The following NCAM2 variants were observed in gnomAD, a reference collection of about 807,000 sequenced individuals.
NCAM2 encodes the protein neural cell adhesion molecule 2.
NCAM2 carries 30 observed loss-of-function variants against 98.1 expected under a neutral mutation model. The ratio of observed to expected loss-of-function variants is 0.31; its 90% confidence interval spans 0.23 to 0.41. The LOEUF (loss-of-function observed/expected upper bound fraction) is 0.41. Among genes scored for constraint, NCAM2 ranks in the 10% least tolerant of loss-of-function variants. The pLI is 1.00. For synonymous variants in NCAM2, 368 were observed against 342.4 expected (o/e 1.07, Z -0.83); for missense variants, 867 against 1,005.8 (o/e 0.86, Z 1.87).
chr21:21,373,874 C>T lies in NCAM2; in HGVS notation c.1056C>T (p.Gly352=), dbSNP rs761349965. Residue 352 remains glycine, a synonymous_variant, in exon 9 of 18, where the codon GGC becomes GGT. Transcript: ENST00000400546. ...ATCGATGTAAACAGAGCCTGGACGGCCGTATCGAAGTCAAAGGGCAGCATG... is the reference window on the plus strand; with the variant it reads ...ATCGATGTAAACAGAGCCTGGACGGTCGTATCGAAGTCAAAGGGCAGCATG... ...TFTEGDKSLD[G]RIEVKGQHGS... is the part of the protein sequence containing the mutation. 4.4e-6 allele frequency: 7 copies of T among 1,606,466 alleles called. No homozygotes were observed. The South Asian group carries it at 4.4e-5, about 10-fold the overall frequency.
At chr21:21,290,335 C>T (rs2073247666) in intron 4 of NCAM2, among the ~76,000 whole-genome samples, 1 of 151,892 alleles carries the variant, frequency 6.6e-6, no homozygotes, top group South Asian at 2.1e-4. Context: ...AATTGCCTCT[C>T]ATCTAAATTT....
intron 1 of NCAM2, among the ~76,000 whole-genome samples, chr21:21,230,662 A>G (rs2070585613): frequency 6.6e-6 from 1 of 151,368 alleles, no homozygotes; most frequent in Non-Finnish European, 1.5e-5. Flanking sequence ...GCTTAGCCAT[A>G]ATCTGTTTTT....
chr21:21,096,237 A>G (rs1277751833), intron 1 of NCAM2, among the ~76,000 whole-genome samples: 1 of 151,588 alleles, frequency 6.6e-6, no homozygotes, highest in Non-Finnish European at 1.5e-5. Context: ...TGCTATATAT[A>G]TATTTTTTTA....
intron 15 of NCAM2, among the ~76,000 whole-genome samples, chr21:21,483,071 A>C (rs1986035963): frequency 6.6e-6 from 1 of 152,066 alleles, no homozygotes. Context: ...CTAATGTTTA[A>C]AAAAATCCTT....
At chr21:21,213,928 A>G (rs541446777) in intron 1 of NCAM2, among the ~76,000 whole-genome samples, 1 of 152,230 alleles carries the variant, frequency 6.6e-6, no homozygotes, top group African/African-American at 2.4e-5. Flanking sequence ...GATCAACATA[A>G]CTGAATATTT....
intron 1 of NCAM2, among the ~76,000 whole-genome samples, chr21:21,242,017 G>A (rs1358727468): frequency 6.6e-6 from 1 of 152,094 alleles, no homozygotes; most frequent in Non-Finnish European, 1.5e-5. Context: ...AATGTGGAAA[G>A]TAAATCATTC....
At chr21:21,207,025 A>C (rs1298998585) in intron 1 of NCAM2, among the ~76,000 whole-genome samples, 2 of 152,158 alleles carry the variant, frequency 1.3e-5, no homozygotes, top group African/African-American at 4.8e-5. Context: ...ACATCCGTTC[A>C]CATTTTTAAG....
intron 15 of NCAM2, among the ~76,000 whole-genome samples, chr21:21,498,432 A>C (rs1172196957): frequency 6.6e-6 from 1 of 152,128 alleles, no homozygotes; most frequent in Admixed American, 6.6e-5. Flanking sequence ...CAAATTATTC[A>C]TTGAAAATTA....
At chr21:21,127,813 T>C (rs897317563) in intron 1 of NCAM2, among the ~76,000 whole-genome samples, 1 of 152,188 alleles carries the variant, frequency 6.6e-6, no homozygotes, top group Non-Finnish European at 1.5e-5. Context: ...AATATTTCAT[T>C]GTGTATATAT....
At chr21:21,211,670 G>A (rs2147083511) in intron 1 of NCAM2, among the ~76,000 whole-genome samples, 1 of 152,288 alleles carries the variant, frequency 6.6e-6, no homozygotes, top group African/African-American at 2.4e-5. Context: ...CAAAAGAACA[G>A]CTTGGTCCAA....
intron 1 of NCAM2, among the ~76,000 whole-genome samples, chr21:21,181,546 G>A (rs1469650494): frequency 6.6e-6 from 1 of 152,100 alleles, no homozygotes; most frequent in Non-Finnish European, 1.5e-5. Context: ...TATGAATTTT[G>A]TGAATGTGCC....
chr21:21,529,849 A>C (rs1361679093), intron 16 of NCAM2, among the ~76,000 whole-genome samples: 1 of 151,286 alleles, frequency 6.6e-6, no homozygotes. Context: ...CAACATATAT[A>C]ATTTATATTT....
chr21:21,443,057 G>A (rs916047432), intron 12 of NCAM2, among the ~76,000 whole-genome samples: 8 of 152,096 alleles, frequency 5.3e-5, no homozygotes, highest in Non-Finnish European at 1.2e-4. Context: ...GTGTCCCAGA[G>A]ATTTTGGTAT....
chr21:21,071,311 G>GCTATCAAT (rs1368139870), intron 1 of NCAM2, among the ~76,000 whole-genome samples: 6 of 152,288 alleles, frequency 3.9e-5, no homozygotes, highest in African/African-American at 1.4e-4. Context: ...TCAACTTAGA[G>GCTATCAAT]TTGGTGAAGC....
chr21:21,340,484 TTTG>T (rs2074995927), intron 8 of NCAM2, among the ~76,000 whole-genome samples: 2 of 151,968 alleles, frequency 1.3e-5, no homozygotes, highest in Admixed American at 1.3e-4. Context: ...TCTTAAAGCT[TTTG>T]TTTCCTAAGG....
intron 1 of NCAM2, among the ~76,000 whole-genome samples, chr21:21,050,632 A>G (rs566981158): frequency 6.6e-6 from 1 of 152,174 alleles, no homozygotes; most frequent in African/African-American, 2.4e-5. Context: ...CGGATTCCCA[A>G]CAACACCTGT....
chr21:21,468,522 T>C, intron 13 of NCAM2, 140 bp from the exon 14 acceptor site: 1 of 761,370 alleles, frequency 1.3e-6, no homozygotes, highest in South Asian at 3.7e-5. Flanking sequence ...AGAAATTATA[T>C]CACAAAAGGG....
At position 21,013,723 on chromosome 21, in the gene NCAM2, G is replaced by A. The variant is rs147880247; in HGVS notation, c.55+15105G>A. On this transcript the variant is annotated intron_variant, in intron 1 of 17. Coordinates refer to ENST00000400546, the MANE Select transcript of NCAM2 (RefSeq NM_004540.5). ...TTGAAACCTGGAGGCGGAGGTTGCA[G>A]TGAGCTGGGATTGTGCCATTGCACT... 9.0e-3 allele frequency among the ~76,000 whole-genome samples: 1,369 copies of A among 152,142 alleles called. 29 individuals carry two copies. Among genetic ancestry groups the A allele is most frequent in the Admixed American group, 0.044 (675 of 15,270 alleles).
At chr21:21,156,974 T>C (rs184228372) in intron 1 of NCAM2, among the ~76,000 whole-genome samples, 9 of 152,194 alleles carry the variant, frequency 5.9e-5, no homozygotes, top group Middle Eastern at 3.4e-3. Context: ...AAATCCCAAT[T>C]ATTATTGGTA....
Sources: gnomAD v4.1 joint callset for allele counts (sites outside exome capture counted in the v4.1 genomes callset) on GRCh38, gnomAD v4.1.1 for gene constraint, MANE v1.5 for transcripts, NCBI Gene and HGNC (gene_info 2026-07-23, HGNC 2026-07-21) for gene names.